The following ANK1 variants were observed in gnomAD, a reference collection of about 807,000 sequenced individuals.
ANK1 encodes ankyrin 1.
ANK1 carries 51 observed loss-of-function variants against 210.4 expected under a neutral mutation model. The observed-to-expected ratio is 0.24, with a 90% CI of 0.19 to 0.31. ANK1 has a LOEUF of 0.31. Ranked by LOEUF, ANK1 falls within the 10% of genes least tolerant of loss-of-function variation. ANK1 has a pLI of 1.00. For synonymous variants in ANK1, 967 were observed against 1,025.9 expected (o/e 0.94, Z 1.10); for missense variants, 2,051 against 2,504.4 (o/e 0.82, Z 3.86).
At position 41,842,123 on chromosome 8, in the gene ANK1, C is replaced by A. The variant is rs75926974; in HGVS notation, c.126+54232G>T. Reference sequence around the variant, plus strand: ...CCAGGCCACCCCAAGGGAGGCAGCACCCCAGGAGGCACCAGGGTGGACAGG... The same window carrying A: ...CCAGGCCACCCCAAGGGAGGCAGCAACCCAGGAGGCACCAGGGTGGACAGG... On this transcript the variant is annotated intron_variant, in intron 1 of 42. Coordinates refer to the ANK1 transcript ENST00000265709. Among the ~76,000 whole-genome samples the A allele has an allele frequency of 7.1e-3, 1,088 of 152,318 alleles. 17 individuals carry two copies. Among genetic ancestry groups the A allele is most frequent in the African/African-American group, 0.025 (1,049 of 41,568 alleles).
intron 2 of ANK1, among the ~76,000 whole-genome samples, chr8:41,741,291 C>T (rs562716542): frequency 6.6e-6 from 1 of 152,342 alleles, no homozygotes; most frequent in East Asian, 1.9e-4. Flanking sequence ...TGCACAGTCA[C>T]AGGTCACCTC....
At chr8:41,767,284 G>A (rs896173891) in intron 1 of ANK1, among the ~76,000 whole-genome samples, 7 of 151,774 alleles carry the variant, frequency 4.6e-5, no homozygotes, top group Non-Finnish European at 1.0e-4. Flanking sequence ...CCCCGGCCCC[G>A]GCCCCGATCC....
Position 41,821,981 on chromosome 8 carries a change from C to A in ANK1, c.127-63844G>T, listed in dbSNP as rs923346550. 4.0e-5 allele frequency among the ~76,000 whole-genome samples: 6 copies of A among 150,992 alleles called. No individual in the cohort carries two copies. The South Asian group carries it at 1.3e-3, about 32-fold the overall frequency. ...AAGAGAATCGCTTGAACCCAGGAGG[C>A]AGAGGTTGCAGTGAGCCGAGATTGT... On this transcript the variant is annotated intron_variant, in intron 1 of 42. Coordinates refer to the ANK1 transcript ENST00000265709.
intron 41 of ANK1, 38 bp downstream of exon 41, chr8:41,661,838 A>G: frequency 6.2e-7 from 1 of 1,614,134 alleles, no homozygotes; most frequent in African/African-American, 1.3e-5. Flanking sequence ...ATCGACCTCC[A>G]GCTCACTGGG....
At chr8:41,822,060 AAGAAAGAGAGAGAG>A (rs1804363361) in intron 1 of ANK1, among the ~76,000 whole-genome samples, 3 of 129,096 alleles carry the variant, frequency 2.3e-5, no homozygotes, top group South Asian at 2.7e-4. Context: ...AAAAGAAAGA[AAGAAAGAGAGAGAG>A]AGAGAGAGAG....
At position 41,688,572 on chromosome 8, in the gene ANK1, A is replaced by G. The variant is rs1485127168; in HGVS notation, c.4122T>C (p.Asp1374=). 4 of 1,614,046 alleles carry G rather than the reference A, an allele frequency of 2.5e-6. No homozygotes were observed. Among genetic ancestry groups the G allele is most frequent in the African/African-American group, 2.7e-5 (2 of 74,912 alleles). Residue 1374 remains aspartate (D), a synonymous_variant, in exon 34 of 43, where the codon GAT becomes GAC. Coordinates refer to ENST00000289734, the MANE Select transcript of ANK1 (RefSeq NM_000037.4). The stretch of plus-strand genomic sequence containing the variant: ...CCAGGGGCGTCGGGGTCCTTCTCCT[A>G]TCTTCGGCTCCACTTCCCTGCAGAA... ...PPCAKGSGAE[D]RRRTPTPLAL...
intron 10 of ANK1, 134 bp from the exon 11 acceptor site, chr8:41,718,338 C>G (rs773098188): frequency 4.2e-5 from 31 of 743,954 alleles, no homozygotes; most frequent in Non-Finnish European, 7.1e-5. Flanking sequence ...GACCAATCAA[C>G]GAATTAATGC....
chr8:41,699,961 T>C (rs372233417), intron 22 of ANK1, among the ~76,000 whole-genome samples: 21 of 152,244 alleles, frequency 1.4e-4, no homozygotes, highest in African/African-American at 4.8e-4. Context: ...GAGAATTTTT[T>C]GTAACAATGG....
chr8:41,889,974 A>T (rs894772610), intron 1 of ANK1, among the ~76,000 whole-genome samples: 2 of 152,258 alleles, frequency 1.3e-5, no homozygotes, highest in African/African-American at 4.8e-5. Context: ...TATGATTTAA[A>T]GTATCCTTTT....
intron 14 of ANK1, 58 bp from the exon 15 acceptor site, chr8:41,715,132 AG>A: frequency 6.8e-7 from 1 of 1,480,034 alleles, no homozygotes. Flanking sequence ...CCCTGGAGAA[AG>A]GGCCCACAGC....
At chr8:41,858,480 C>T (rs1382393715) in intron 1 of ANK1, among the ~76,000 whole-genome samples, 2 of 152,206 alleles carry the variant, frequency 1.3e-5, no homozygotes, top group African/African-American at 4.8e-5. Flanking sequence ...GTGGGCTGTA[C>T]CCCAAGCTGG....
At chr8:41,725,694 G>T (rs1830500721) in intron 6 of ANK1, 67 bp downstream of exon 6, 1 of 1,557,522 alleles carries the variant, frequency 6.4e-7, no homozygotes, top group Admixed American at 1.8e-5. Context: ...GTCGCTGGGC[G>T]TGCGCGGTGC....
rs551127313 is a variant in ANK1 at position 41,745,194 on chromosome 8, C to A, written c.130-11125G>T. Among the ~76,000 whole-genome samples, 15 of 152,074 alleles carry A rather than the reference C, an allele frequency of 9.9e-5. 1 individual carries two copies. The highest frequency in any genetic ancestry group is 3.4e-3 in the Middle Eastern group (1 of 294). On this transcript the variant is annotated intron_variant, in intron 2 of 42. Transcript: ENST00000289734. The stretch of plus-strand genomic sequence containing the variant: ...GGCGGGGAGATGTGAAGGAAGGAGG[C>A]ACAGAGAGAGGGAGAAATTGTCAGA...
rs4527855 is a variant in ANK1 at position 41,835,515 on chromosome 8, A to C, written c.126+60840T>G. On this transcript the variant is annotated intron_variant, in intron 1 of 42. Transcript: ENST00000265709. ...GCTAGCAGGCGTATATTCTGCAAAG[A>C]CCTTCGGGCCGAGGCTGCAGTCACC... 8.4e-3 allele frequency among the ~76,000 whole-genome samples: 1,279 copies of C among 151,916 alleles called. 15 individuals are homozygous for C. Among genetic ancestry groups the C allele is most frequent in the African/African-American group, 0.029 (1,201 of 41,460 alleles).
At chr8:41,730,487 A>C (rs1019950809) in intron 3 of ANK1, among the ~76,000 whole-genome samples, 32 of 141,396 alleles carry the variant, frequency 2.3e-4, no homozygotes, top group Admixed American at 1.3e-3. Flanking sequence ...AAGCCTGTTT[A>C]TGTTTTGTTT....
intron 35 of ANK1, among the ~76,000 whole-genome samples, chr8:41,686,760 T>C (rs1269320743): frequency 6.6e-6 from 1 of 152,186 alleles, no homozygotes; most frequent in Non-Finnish European, 1.5e-5. Context: ...TTATGCGTCT[T>C]CAGGGAGAGG....
chr8:41,761,318 T>C (rs1420951934), intron 1 of ANK1, among the ~76,000 whole-genome samples: 1 of 148,568 alleles, frequency 6.7e-6, no homozygotes, highest in Non-Finnish European at 1.5e-5. Flanking sequence ...CGCACACACA[T>C]GCACAGATAC....
At chr8:41,660,946 T>C (rs1296666117) in intron 42 of ANK1, 4 of 279,144 alleles carry the variant, frequency 1.4e-5, no homozygotes, top group Non-Finnish European at 2.1e-5. Flanking sequence ...TGTCCACTGC[T>C]TTCTAGATCC....
rs1804930770 is a variant in ANK1, at chr8:41,654,111, C to T, written c.*1679G>A. 6.6e-6 allele frequency: 1 copy of T among 152,444 alleles called. No individual in the cohort carries two copies. The highest frequency in any genetic ancestry group is 2.1e-4 in the South Asian group (1 of 4,842). 9.4% of individuals were successfully genotyped at this position (152,444 alleles called of 1,614,324 possible). A position where few individuals can be genotyped will look rare whatever the true frequency, so the allele number is the denominator to read the frequency against. On this transcript the variant is annotated 3_prime_UTR_variant, in exon 43 of 43. Coordinates refer to ENST00000289734, the MANE Select transcript of ANK1 (RefSeq NM_000037.4). The stretch of plus-strand genomic sequence containing the variant: ...GGGGCGGACGGGGCCGGGCCGTCCA[C>T]ACCGCGGCTCCAGGGGCGAGAGGAG...
Sources: gnomAD v4.1 joint callset for allele counts (sites outside exome capture counted in the v4.1 genomes callset) on GRCh38, gnomAD v4.1.1 for gene constraint, MANE v1.5 for transcripts, NCBI Gene and HGNC (gene_info 2026-07-23, HGNC 2026-07-21) for gene names.